Variants in COL4A5 observed in about 807,000 individuals in gnomAD.
The protein encoded by COL4A5 is collagen alpha-5(IV) chain.
A neutral mutation model predicts 130.2 loss-of-function variants in COL4A5; 26 were observed. The observed-to-expected ratio is 0.20, with a 90% CI of 0.15 to 0.28. The LOEUF (loss-of-function observed/expected upper bound fraction) is 0.28. COL4A5 is among the 10% of genes least tolerant of loss of function. The pLI is 1.00. For synonymous variants in COL4A5, 496 were observed against 439.6 expected (o/e 1.13, Z -1.60); for missense variants, 1,131 against 1,344.3 (o/e 0.84, Z 2.48).
At chrX:108,461,877 G>A (rs760561823) in intron 1 of COL4A5, among the ~76,000 whole-genome samples, 1 of 111,979 alleles carries the variant, frequency 8.9e-6, no homozygotes, top group South Asian at 3.7e-4. Flanking sequence ...TTACAGGAGT[G>A]GGCCACCACA....
At chrX:108,443,088 A>C (rs1484106553) in intron 1 of COL4A5, 2 of 111,353 alleles carry the variant, frequency 1.8e-5, no homozygotes, top group African/African-American at 6.5e-5. Flanking sequence ...GATCTCTGCC[A>C]CTTTTTTTGG....
chrX:108,662,276 A>G (rs961874264), intron 37 of COL4A5, among the ~76,000 whole-genome samples: 1 of 110,202 alleles, frequency 9.1e-6, no homozygotes, highest in Non-Finnish European at 1.9e-5. Flanking sequence ...TTCTCAGCAA[A>G]CTATCGCAAG....
intron 1 of COL4A5, among the ~76,000 whole-genome samples, chrX:108,458,046 C>T (rs1466400107): frequency 1.8e-5 from 2 of 111,820 alleles, no homozygotes; most frequent in Admixed American, 1.9e-4. Context: ...TGTTTTCTTA[C>T]CTATAATTTT....
chrX:108,589,915 T>C (rs2066402848), intron 19 of COL4A5, among the ~76,000 whole-genome samples: 1 of 111,148 alleles, frequency 9.0e-6, no homozygotes, highest in Admixed American at 9.6e-5. Context: ...TCTATTAATA[T>C]AAGGAACTTA....
In COL4A5 at chrX:108,665,605, C is replaced by T. The variant is rs200115122; in HGVS notation, c.3454+18C>T. On this transcript the variant is annotated intron_variant, in intron 38 of 52. Transcript: ENST00000328300. Reference sequence around the variant, plus strand: ...TCCTGTAGGTAAGCATGAAAAATAACAGTTTGCTGTTTTATAAAACTAATG... The same window carrying T: ...TCCTGTAGGTAAGCATGAAAAATAATAGTTTGCTGTTTTATAAAACTAATG... 2 of 1,114,157 alleles carry T rather than the reference C, an allele frequency of 1.8e-6. No individual in the cohort carries two copies. Among genetic ancestry groups the T allele is most frequent in the Non-Finnish European group, 2.5e-6 (2 of 810,314 alleles). The allele number at this position is 1,114,157 out of a possible 1,213,427, so 91.8% of individuals were successfully genotyped here.
At chrX:108,514,916 G>T (rs1339792064) in intron 1 of COL4A5, among the ~76,000 whole-genome samples, 1 of 111,431 alleles carries the variant, frequency 9.0e-6, no homozygotes, top group Non-Finnish European at 1.9e-5. Flanking sequence ...TGGAAACTAT[G>T]TGTTTATAAT....
intron 43 of COL4A5, among the ~76,000 whole-genome samples, chrX:108,676,614 A>G (rs1446020781): frequency 8.9e-6 from 1 of 112,492 alleles, no homozygotes; most frequent in African/African-American, 3.2e-5. Flanking sequence ...GAATATGAAA[A>G]CATTTTAAAA....
chrX:108,693,503 G>A (rs1390974703), intron 50 of COL4A5: 1 of 114,424 alleles, frequency 8.7e-6, no homozygotes, highest in Non-Finnish European at 1.8e-5. Flanking sequence ...CCAAATTGTA[G>A]TTTAAAGTTT....
intron 47 of COL4A5, among the ~76,000 whole-genome samples, chrX:108,684,829 A>T: frequency 8.9e-6 from 1 of 112,612 alleles, no homozygotes; most frequent in Non-Finnish European, 1.9e-5. Flanking sequence ...AACGTCCCTG[A>T]TGAACATCAA....
intron 9 of COL4A5, among the ~76,000 whole-genome samples, chrX:108,575,491 G>T (rs1226691868): frequency 1.8e-5 from 2 of 112,498 alleles, no homozygotes; most frequent in Non-Finnish European, 3.7e-5. Context: ...TGATAAAATT[G>T]TAGAGCAGAA....
chrX:108,639,290 C>T (rs1214941736), intron 36 of COL4A5, among the ~76,000 whole-genome samples: 1 of 110,822 alleles, frequency 9.0e-6, no homozygotes, highest in Non-Finnish European at 1.9e-5. Flanking sequence ...TGGGGAAAGG[C>T]GTTCAACAAA....
chrX:108,441,170 G>A, intron 1 of COL4A5, among the ~76,000 whole-genome samples: 1 of 112,336 alleles, frequency 8.9e-6, no homozygotes, highest in East Asian at 2.8e-4. Flanking sequence ...GGCTTTGTGA[G>A]AGAAAATGTT....
intron 1 of COL4A5, among the ~76,000 whole-genome samples, chrX:108,476,898 A>C (rs112979505): frequency 0.1 from 11,537 of 111,337 alleles, 1,290 homozygotes; most frequent in African/African-American, 0.34. Context: ...CATGGGAGTG[A>C]AGATATCTCT....
At position 108,687,651 on chromosome X, in the gene COL4A5, C is replaced by A. The variant is rs765058131; in HGVS notation, c.4485C>A (p.Leu1495=). ...TTCAGGTCTATGAAGGCTTTTCTCTCCTGTATGTACAAGGAAATAAAAGAG... is the reference window on the plus strand; with the variant it reads ...TTCAGGTCTATGAAGGCTTTTCTCTACTGTATGTACAAGGAAATAAAAGAG... ...GTLQVYEGFS[L]LYVQGNKRAH... Residue 1495 remains leucine, a synonymous_variant, in exon 49 of 53, where the codon CTC becomes CTA. Coordinates refer to ENST00000328300, the MANE Select transcript of COL4A5 (RefSeq NM_033380.3). 19 of 1,211,106 alleles carry A rather than the reference C, an allele frequency of 1.6e-5. No individual in the cohort carries two copies. In the South Asian group the frequency reaches 3.2e-4, roughly 20 times the overall value.
intron 1 of COL4A5, among the ~76,000 whole-genome samples, chrX:108,512,799 C>T (rs1248464915): frequency 9.0e-6 from 1 of 111,399 alleles, no homozygotes; most frequent in Admixed American, 9.5e-5. Flanking sequence ...GTTTCGGGCA[C>T]CATTGTCATT....
In COL4A5 at chrX:108,563,883, G is replaced by T; in HGVS notation, c.233G>T (p.Gly78Val). The change falls in exon 4 of 53, where the codon GGT (glycine) becomes GTT (valine). Residue 78 changes from glycine (G) to valine (V), a missense_variant and splice_region_variant. Transcript: ENST00000328300. Reference sequence around the variant, plus strand: ...ACCTAAAAATATTGCATTTTTCAGGGTGATGATGGAATTCCAGGGCCACCA... The same window carrying T: ...ACCTAAAAATATTGCATTTTTCAGGTTGATGATGGAATTCCAGGGCCACCA... ...EGPPGPRGQK[G>V]DDGIPGPPGP... is the part of the protein sequence containing the mutation. The T allele has an allele frequency of 8.3e-7, 1 of 1,206,975 alleles. No individual in the cohort carries two copies. Among genetic ancestry groups the T allele is most frequent in the Non-Finnish European group, 1.1e-6 (1 of 892,343 alleles).
At chrX:108,692,153 T>C (rs1603326050) in intron 49 of COL4A5, among the ~76,000 whole-genome samples, 1 of 112,206 alleles carries the variant, frequency 8.9e-6, no homozygotes, top group East Asian at 2.8e-4. Context: ...ATAACCTCTC[T>C]TGTCCCTACT....
intron 2 of COL4A5, among the ~76,000 whole-genome samples, chrX:108,547,889 G>C (rs771961145): frequency 8.9e-6 from 1 of 111,888 alleles, no homozygotes; most frequent in Non-Finnish European, 1.9e-5. Flanking sequence ...AGGCTCCGTG[G>C]GTTTAGGACC....
At position 108,696,890 on chromosome X, in the gene COL4A5, T is replaced by G. The variant is rs756687457; in HGVS notation, c.*512T>G. The stretch of plus-strand genomic sequence containing the variant: ...AGCTCAAAATGTTGAGTCATTTACA[T>G]ATGACATAGCATGAATCACTCTTTA... On this transcript the variant is annotated 3_prime_UTR_variant, in exon 53 of 53. Transcript: ENST00000328300. 2 of 113,040 alleles carry G rather than the reference T, an allele frequency of 1.8e-5. No homozygotes were observed. The highest frequency in any genetic ancestry group is 3.7e-5 in the Non-Finnish European group (2 of 53,954). The allele number at this position is 113,040 out of a possible 1,213,427, so 9.3% of individuals were successfully genotyped here.
Sources: allele counts gnomAD v4.1 joint callset (sites outside exome capture counted in the v4.1 genomes callset), GRCh38; gene constraint gnomAD v4.1.1; transcripts MANE v1.5; gene names NCBI Gene and HGNC (gene_info 2026-07-23, HGNC 2026-07-21).